Variants in DLC1 observed in about 807,000 individuals in gnomAD.
DLC1 encodes the protein DLC1 Rho GTPase activating protein.
DLC1 carries 54 observed loss-of-function variants against 140.3 expected under a neutral mutation model. The observed-to-expected ratio is 0.38, with a 90% CI of 0.31 to 0.48. DLC1 has a LOEUF of 0.48. DLC1 is among the 20% of genes least tolerant of loss of function. DLC1 has a pLI of 0.96. For synonymous variants in DLC1, 986 were observed against 728.1 expected, an observed-to-expected ratio of 1.35 and a Z score of -5.70; for missense variants, 2,536 against 1,907.0, an observed-to-expected ratio of 1.33 and a Z score of -6.14.
chr8:13,265,656 G>GA (rs1830655083), intron 5 of DLC1, among the ~76,000 whole-genome samples: 1 of 151,474 alleles, frequency 6.6e-6, no homozygotes. Context: ...TAGGCTGTGG[G>GA]TTTTTTTTCC....
At chr8:13,337,076 A>T (rs914040559) in intron 4 of DLC1, among the ~76,000 whole-genome samples, 2 of 152,192 alleles carry the variant, frequency 1.3e-5, no homozygotes, top group African/African-American at 4.8e-5. Flanking sequence ...CAGAAGGAAG[A>T]TGTGTTCAAA....
At chr8:13,169,435 C>A (rs1269784683) in intron 5 of DLC1, among the ~76,000 whole-genome samples, 1 of 152,148 alleles carries the variant, frequency 6.6e-6, no homozygotes, top group Non-Finnish European at 1.5e-5. Context: ...TCATTTGTAA[C>A]TTTAGAGCTA....
At chr8:13,591,413 G>A (rs1233342259) in intron 1 of DLC1, among the ~76,000 whole-genome samples, 1 of 152,060 alleles carries the variant, frequency 6.6e-6, no homozygotes, top group Non-Finnish European at 1.5e-5. Flanking sequence ...ACAAGCATCT[G>A]GCATTTCCCC....
At chr8:13,160,689 G>T (rs1190990801) in intron 5 of DLC1, among the ~76,000 whole-genome samples, 1 of 152,212 alleles carries the variant, frequency 6.6e-6, no homozygotes, top group Non-Finnish European at 1.5e-5. Context: ...TTAAAAGAGA[G>T]GGCTTTGATT....
chr8:13,366,082 G>C (rs748569531), intron 4 of DLC1, among the ~76,000 whole-genome samples: 2 of 152,182 alleles, frequency 1.3e-5, no homozygotes, highest in Non-Finnish European at 2.9e-5. Context: ...AGCTCAACAA[G>C]TGCTGCATAA....
chr8:13,518,708 G>A (rs1209856712), upstream of DLC1, among the ~76,000 whole-genome samples: 1 of 152,136 alleles, frequency 6.6e-6, no homozygotes, highest in African/African-American at 2.4e-5. Context: ...TAATGAATAT[G>A]TTTATAATAG....
intron 2 of DLC1, among the ~76,000 whole-genome samples, chr8:13,439,273 G>C (rs1839254904): frequency 6.6e-6 from 1 of 152,128 alleles, no homozygotes; most frequent in Non-Finnish European, 1.5e-5. Context: ...GCAGTGAGCA[G>C]AGATTGTGCC....
chr8:13,455,791 A>C (rs961076383), intron 2 of DLC1, among the ~76,000 whole-genome samples: 1 of 152,214 alleles, frequency 6.6e-6, no homozygotes, highest in Non-Finnish European at 1.5e-5. Context: ...CTGGAGGAGC[A>C]CTTGAACCCA....
At chr8:13,103,581 G>T (rs889468434) in intron 7 of DLC1, among the ~76,000 whole-genome samples, 85 of 152,054 alleles carry the variant, frequency 5.6e-4, no homozygotes, top group African/African-American at 1.8e-3. Context: ...GCTCATGCCT[G>T]TAATCCCAGC....
intron 1 of DLC1, among the ~76,000 whole-genome samples, chr8:13,572,091 A>ATTTTTTTTTTTTT (rs773027065): frequency 1.8e-5 from 1 of 56,302 alleles, no homozygotes. Context: ...TATTATTATT[A>ATTTTTTTTTTTTT]TTTATTTTTT....
At chr8:13,555,274 G>A (rs1804002326) in intron 1 of DLC1, among the ~76,000 whole-genome samples, 1 of 151,408 alleles carries the variant, frequency 6.6e-6, no homozygotes, top group Admixed American at 6.6e-5. Context: ...CACTGTGCTT[G>A]TTATCTGCTG....
intron 4 of DLC1, among the ~76,000 whole-genome samples, chr8:13,365,624 A>G (rs959843040): frequency 1.3e-5 from 2 of 152,162 alleles, no homozygotes; most frequent in African/African-American, 2.4e-5. Flanking sequence ...TTCATTGTGC[A>G]CCACTGAGCG....
rs1585778559 is a variant in DLC1 at position 13,151,346 on chromosome 8, C to T, written c.1349-35689G>A. ...TGAAGTGTTTTCAACTATTAGTCCC[C>T]ACAACAATCTTATGATTATTAATAT... is the stretch of plus-strand genomic sequence containing the variant. On this transcript the variant is annotated intron_variant, in intron 5 of 17. Transcript: ENST00000276297. Among the ~76,000 whole-genome samples the T allele has an allele frequency of 2.0e-5, 3 of 152,074 alleles. No homozygotes were observed. In the South Asian group the frequency reaches 6.2e-4, roughly 32 times the overall value.
At chr8:13,391,174 T>C (rs1303763848) in intron 4 of DLC1, among the ~76,000 whole-genome samples, 2 of 147,286 alleles carry the variant, frequency 1.4e-5, no homozygotes, top group Non-Finnish European at 3.1e-5. Flanking sequence ...CAGAGCTGCA[T>C]GTGTATTGTC....
chr8:13,575,157 A>G (rs1263534939), intron 1 of DLC1, among the ~76,000 whole-genome samples: 2 of 152,206 alleles, frequency 1.3e-5, no homozygotes, highest in Non-Finnish European at 2.9e-5. Flanking sequence ...GCAAACTTAC[A>G]TCAAAGTGTC....
chr8:13,355,172 T>C (rs1210317420), intron 4 of DLC1, among the ~76,000 whole-genome samples: 2 of 88,006 alleles, frequency 2.3e-5, no homozygotes, highest in African/African-American at 4.0e-5. Context: ...ATAGACTTTG[T>C]TACTTAAACT....
chr8:13,303,152 C>T (rs1563237632), intron 5 of DLC1, among the ~76,000 whole-genome samples: 1 of 152,044 alleles, frequency 6.6e-6, no homozygotes, highest in Non-Finnish European at 1.5e-5. Context: ...TCAGCATATC[C>T]TCCAGAAATC....
At chr8:13,207,506 A>AT (rs1451868850) in intron 5 of DLC1, among the ~76,000 whole-genome samples, 2 of 152,242 alleles carry the variant, frequency 1.3e-5, no homozygotes, top group East Asian at 3.9e-4. Flanking sequence ...ATTCTGTCAT[A>AT]TTTTTTATCC....
chr8:13,597,650 A>G (rs1032646744), intron 1 of DLC1, among the ~76,000 whole-genome samples: 1 of 152,056 alleles, frequency 6.6e-6, no homozygotes. Context: ...GAATTATGGG[A>G]TGCACACACA....
Sources: allele counts gnomAD v4.1 joint callset (sites outside exome capture counted in the v4.1 genomes callset), GRCh38; gene constraint gnomAD v4.1.1; transcripts MANE v1.5; gene names NCBI Gene and HGNC (gene_info 2026-07-23, HGNC 2026-07-21).